Variants in ENOX1 observed in about 807,000 individuals in gnomAD.
ENOX1 encodes candidate growth-related and time keeping constitutive hydroquinone (NADH) oxidase.
In ENOX1, 42 loss-of-function variants were observed where a neutral mutation model predicts 82.5. The ratio of observed to expected loss-of-function variants is 0.51; its 90% CI spans 0.40 to 0.66. ENOX1 has a LOEUF of 0.66. Among genes scored for constraint, ENOX1 ranks in the 30% least tolerant of loss-of-function variants. The probability of loss-of-function intolerance (pLI) is 0.00; values close to 1 mark genes in which losing one functional copy is unlikely to be tolerated. For missense variants in ENOX1, 608 were observed against 811.6 expected, an observed-to-expected ratio of 0.75 and a Z score of 3.05; for synonymous variants, 271 against 282.2, an observed-to-expected ratio of 0.96 and a Z score of 0.40.
chr13:43,769,806 T>C (rs546733818), intron 1 of ENOX1, among the ~76,000 whole-genome samples: 11 of 152,296 alleles, frequency 7.2e-5, no homozygotes, highest in African/African-American at 2.6e-4. Flanking sequence ...CTCAGAGAAA[T>C]TGTGACACCT....
chr13:43,306,663 C>T (rs566339615), intron 11 of ENOX1, among the ~76,000 whole-genome samples: 1 of 152,296 alleles, frequency 6.6e-6, no homozygotes, highest in Non-Finnish European at 1.5e-5. Context: ...AAAACAACTC[C>T]TCTCATTTTC....
intron 12 of ENOX1, among the ~76,000 whole-genome samples, chr13:43,292,221 A>G (rs1222627224): frequency 6.6e-6 from 1 of 152,204 alleles, no homozygotes; most frequent in Admixed American, 6.5e-5. Context: ...CTGCACCCAT[A>G]AAATACGAAT....
chr13:43,756,943 CTG>C (rs1201713485), intron 1 of ENOX1, among the ~76,000 whole-genome samples: 11 of 114,848 alleles, frequency 9.6e-5, no homozygotes, highest in African/African-American at 3.3e-4. Context: ...CATAGTGAGA[CTG>C]TGTCTCAACA....
intron 1 of ENOX1, among the ~76,000 whole-genome samples, chr13:43,704,625 G>C (rs575764878): frequency 1.3e-5 from 2 of 152,228 alleles, no homozygotes; most frequent in Admixed American, 6.5e-5. Context: ...CAGGGGGTGG[G>C]ACTGGTGATC....
At position 43,609,479 on chromosome 13, in the gene ENOX1, C is replaced by T. The variant is rs548474519; in HGVS notation, c.-219+58000G>A. ...TGTGAGTTATGTGACTGTGAATATA[C>T]AGTTTGAGCTTTCTAGAATCTCTTC... On this transcript the variant is annotated intron_variant, in intron 2 of 16. Coordinates refer to ENST00000690772, the MANE Select transcript of ENOX1 (RefSeq NM_001347969.2). 1.4e-4 allele frequency among the ~76,000 whole-genome samples: 21 copies of T among 152,266 alleles called. No homozygotes were observed. The South Asian group carries it at 3.1e-3, about 23-fold the overall frequency.
chr13:43,695,042 C>T (rs1437564970), intron 1 of ENOX1, among the ~76,000 whole-genome samples: 1 of 152,106 alleles, frequency 6.6e-6, no homozygotes. Context: ...CAAGCACTAA[C>T]CACACACATC....
intron 14 of ENOX1, among the ~76,000 whole-genome samples, chr13:43,249,645 G>A (rs1375197040): frequency 6.6e-6 from 1 of 152,084 alleles, no homozygotes; most frequent in African/African-American, 2.4e-5. Flanking sequence ...CACCTGCTGA[G>A]TTTATGTTAC....
intron 2 of ENOX1, among the ~76,000 whole-genome samples, chr13:43,594,981 G>T (rs1213545185): frequency 6.6e-6 from 1 of 151,824 alleles, no homozygotes; most frequent in Non-Finnish European, 1.5e-5. Flanking sequence ...CGCTAAGAAG[G>T]TTGTCAGAAG....
chr13:43,645,881 A>G (rs2083875250), intron 2 of ENOX1, among the ~76,000 whole-genome samples: 1 of 152,200 alleles, frequency 6.6e-6, no homozygotes, highest in Non-Finnish European at 1.5e-5. Flanking sequence ...CTTTTGTCTC[A>G]GACTACTATT....
At chr13:43,279,517 C>G (rs907474039) in intron 12 of ENOX1, among the ~76,000 whole-genome samples, 2 of 152,200 alleles carry the variant, frequency 1.3e-5, no homozygotes, top group South Asian at 2.1e-4. Flanking sequence ...GCTCTAAAAT[C>G]TATTTTCTCT....
At chr13:43,320,794 A>G (rs1172179451) in intron 11 of ENOX1, among the ~76,000 whole-genome samples, 1 of 152,226 alleles carries the variant, frequency 6.6e-6, no homozygotes, top group African/African-American at 2.4e-5. Context: ...AGCTTCACAA[A>G]GGATGAAAGC....
chr13:43,366,827 T>G (rs1363897749), intron 5 of ENOX1, among the ~76,000 whole-genome samples: 1 of 152,230 alleles, frequency 6.6e-6, no homozygotes, highest in East Asian at 1.9e-4. Flanking sequence ...TACCTTTTAA[T>G]GTTCTTGTGA....
chr13:43,712,787 G>C (rs1226475119), intron 1 of ENOX1, among the ~76,000 whole-genome samples: 1 of 152,056 alleles, frequency 6.6e-6, no homozygotes, highest in Non-Finnish European at 1.5e-5. Context: ...TGCTGAAGTT[G>C]CTTATCAGCT....
At chr13:43,753,777 AG>A (rs1413895200) in intron 1 of ENOX1, among the ~76,000 whole-genome samples, 2 of 152,234 alleles carry the variant, frequency 1.3e-5, no homozygotes, top group African/African-American at 2.4e-5. Context: ...TTCCTAAAAC[AG>A]TTTCTGAAAT....
intron 2 of ENOX1, among the ~76,000 whole-genome samples, chr13:43,551,710 T>C (rs913018649): frequency 3.9e-5 from 6 of 152,132 alleles, no homozygotes; most frequent in Non-Finnish European, 7.3e-5. Context: ...GATGGCAAAA[T>C]TGCCCACAAA....
intron 2 of ENOX1, among the ~76,000 whole-genome samples, chr13:43,593,102 T>C (rs1450676679): frequency 2.0e-5 from 3 of 152,196 alleles, no homozygotes; most frequent in Non-Finnish European, 4.4e-5. Context: ...GATTAAAAAT[T>C]TCACTAATAA....
chr13:43,460,794 A>C (rs1302637281), intron 3 of ENOX1, among the ~76,000 whole-genome samples: 8 of 19,980 alleles, frequency 4.0e-4, no homozygotes, highest in African/African-American at 1.3e-3. Context: ...ACTCCATCTC[A>C]AAAAAAAAAA....
chr13:43,690,492 A>G (rs1447742773), intron 1 of ENOX1, among the ~76,000 whole-genome samples: 2 of 152,200 alleles, frequency 1.3e-5, no homozygotes, highest in Admixed American at 6.5e-5. Flanking sequence ...GCAGTTCAGT[A>G]GCACAAATCA....
rs539971764 is a variant in ENOX1, at chr13:43,517,111, G to A, written c.-218-32959C>T. Among the ~76,000 whole-genome samples the A allele has an allele frequency of 1.2e-4, 18 of 152,298 alleles. No individual in the cohort carries two copies. In the South Asian group the frequency reaches 2.1e-3, roughly 18 times the overall value. On this transcript the variant is annotated intron_variant, in intron 2 of 16. Transcript: ENST00000690772. ...ACAGATTACCACACAAATAAACAAT[G>A]TGTGTTACAGAATACAGACTAGAGT...
Sources: gnomAD v4.1 joint callset for allele counts (sites outside exome capture counted in the v4.1 genomes callset) on GRCh38, gnomAD v4.1.1 for gene constraint, MANE v1.5 for transcripts, NCBI Gene and HGNC (gene_info 2026-07-23, HGNC 2026-07-21) for gene names.